Variants in LTBP1 observed in about 807,000 individuals in gnomAD.
The protein encoded by LTBP1 is latent-transforming growth factor beta-binding protein 1.
A neutral mutation model predicts 207.6 loss-of-function variants in LTBP1; 129 were observed. That is an observed-to-expected ratio of 0.62 (90% CI 0.54 to 0.72). The LOEUF (loss-of-function observed/expected upper bound fraction) is 0.72, where lower values mean the gene tolerates loss of function less well. Among genes scored for constraint, LTBP1 ranks in the 30% least tolerant of loss-of-function variants. LTBP1 has a pLI of 0.00. For synonymous variants in LTBP1, 963 were observed against 833.7 expected, an observed-to-expected ratio of 1.16 and a Z score of -2.67; for missense variants, 2,281 against 2,217.2, an observed-to-expected ratio of 1.03 and a Z score of -0.58.
At chr2:33,138,121 C>T (rs2082290151) in intron 5 of LTBP1, among the ~76,000 whole-genome samples, 1 of 152,036 alleles carries the variant, frequency 6.6e-6, no homozygotes, top group African/African-American at 2.4e-5. Flanking sequence ...GGGATAATTC[C>T]TTCCTTCCTT....
chr2:33,103,117 G>A (rs186889569), intron 3 of LTBP1, among the ~76,000 whole-genome samples: 198 of 151,534 alleles, frequency 1.3e-3, no homozygotes, highest in Middle Eastern at 3.4e-3. Context: ...TCTCTATGCT[G>A]TGTGCACTGT....
intron 2 of LTBP1, among the ~76,000 whole-genome samples, chr2:32,972,620 A>T (rs955161795): frequency 1.4e-4 from 22 of 152,068 alleles, no homozygotes; most frequent in Admixed American, 7.2e-4. Flanking sequence ...TCTCATCCCA[A>T]ATTGTAATCC....
chr2:33,202,597 T>C (rs1267522228), intron 7 of LTBP1, among the ~76,000 whole-genome samples: 4 of 152,248 alleles, frequency 2.6e-5, no homozygotes, highest in Non-Finnish European at 4.4e-5. Context: ...CTTTTCACAC[T>C]GGTTATTCCC....
rs72869683 is a variant in LTBP1 at position 33,065,773 on chromosome 2, G to A, written c.863+44567G>A. On this transcript the variant is annotated intron_variant, in intron 3 of 33. Transcript: ENST00000404816. ...ATACTTTGAAGAGTTTTTATAAGAT[G>A]GGTTTTCTATCTTTCTTAAATATTT... Among the ~76,000 whole-genome samples the A allele has an allele frequency of 4.5e-3, 691 of 152,210 alleles. 9 individuals are homozygous for A. The highest frequency in any genetic ancestry group is 0.016 in the African/African-American group (650 of 41,538).
At chr2:33,200,843 A>C (rs1332314326) in intron 7 of LTBP1, among the ~76,000 whole-genome samples, 4 of 152,232 alleles carry the variant, frequency 2.6e-5, no homozygotes, top group Admixed American at 6.5e-5. Flanking sequence ...TCTCAAAAGA[A>C]GACATTTATG....
At chr2:33,311,515 T>C (rs1313314193) in intron 23 of LTBP1, among the ~76,000 whole-genome samples, 1 of 137,202 alleles carries the variant, frequency 7.3e-6, no homozygotes, top group African/African-American at 2.9e-5. Context: ...TCTTGATTTA[T>C]ATAAAAATAC....
chr2:33,167,931 G>C (rs758611517), intron 5 of LTBP1, among the ~76,000 whole-genome samples: 1 of 152,182 alleles, frequency 6.6e-6, no homozygotes, highest in Non-Finnish European at 1.5e-5. Context: ...GATGGGTGTG[G>C]TTTTCAGTTC....
intron 2 of LTBP1, among the ~76,000 whole-genome samples, chr2:32,994,520 G>A (rs1375568342): frequency 6.6e-6 from 1 of 151,448 alleles, no homozygotes; most frequent in Non-Finnish European, 1.5e-5. Context: ...AGGCTGGAGT[G>A]CAGTGGTGCG....
intron 22 of LTBP1, among the ~76,000 whole-genome samples, chr2:33,304,073 T>C (rs1319205330): frequency 6.6e-6 from 1 of 152,206 alleles, no homozygotes; most frequent in Non-Finnish European, 1.5e-5. Flanking sequence ...AAACATCCAT[T>C]GCATGAAAAG....
In LTBP1 at chr2:33,134,380, GT is replaced by G. The variant is rs369974309; in HGVS notation, c.1034-410del. On this transcript the variant is annotated intron_variant, in intron 4 of 33. Coordinates refer to ENST00000404816, the MANE Select transcript of LTBP1 (RefSeq NM_206943.4). This position sits in a 1 kb window ranked among gnomAD's most constrained non-coding sequence, Gnocchi z 4.4. ...AAGTATGCAAGTTGAGGACACAAGA[GT>G]TTATTCACCGCTAGGTGCACGGCCA... The G allele has an allele frequency of 2.3e-4, 111 of 483,532 alleles. No homozygotes were observed. Among genetic ancestry groups the G allele is most frequent in the African/African-American group, 2.1e-3 (104 of 50,610 alleles). The allele number at this position is 483,532 out of a possible 1,614,324, so 30.0% of individuals were successfully genotyped here.
intron 3 of LTBP1, among the ~76,000 whole-genome samples, chr2:33,059,755 T>C (rs1024909135): frequency 6.6e-6 from 1 of 152,166 alleles, no homozygotes; most frequent in African/African-American, 2.4e-5. Flanking sequence ...ATAGTTATAG[T>C]AGACTTTTCA....
chr2:32,999,167 A>G (rs1450344184), intron 2 of LTBP1, among the ~76,000 whole-genome samples: 1 of 152,200 alleles, frequency 6.6e-6, no homozygotes, highest in African/African-American at 2.4e-5. Flanking sequence ...CATCAGCAGC[A>G]TCTGGGGGCT....
chr2:33,035,657 A>C (rs2075885534), intron 3 of LTBP1, among the ~76,000 whole-genome samples: 1 of 152,252 alleles, frequency 6.6e-6, no homozygotes. Context: ...TAGTCTACAA[A>C]TATTTAACAC....
chr2:33,258,734 C>G (rs1305471217), intron 12 of LTBP1, among the ~76,000 whole-genome samples: 2 of 152,160 alleles, frequency 1.3e-5, no homozygotes, highest in African/African-American at 4.8e-5. Context: ...TCTCCAACCC[C>G]AAGAATATTG....
intron 3 of LTBP1, among the ~76,000 whole-genome samples, chr2:33,054,486 A>C (rs2076892953): frequency 6.6e-6 from 1 of 152,134 alleles, no homozygotes; most frequent in African/African-American, 2.4e-5. Flanking sequence ...CAAATGGGTA[A>C]CTTGTTCCCC....
chr2:33,299,683 A>C (rs1275759475), intron 20 of LTBP1, among the ~76,000 whole-genome samples: 1 of 152,246 alleles, frequency 6.6e-6, no homozygotes, highest in Admixed American at 6.5e-5. Flanking sequence ...GGTCGGACCA[A>C]TATAATGGCC....
intron 31 of LTBP1, among the ~76,000 whole-genome samples, chr2:33,385,708 G>T (rs1216329816): frequency 6.6e-6 from 1 of 152,158 alleles, no homozygotes; most frequent in South Asian, 2.1e-4. Context: ...CACGATCCTG[G>T]CCAAGAATCA....
At chr2:32,953,791 G>A (rs1293156320) in intron 2 of LTBP1, among the ~76,000 whole-genome samples, 1 of 152,076 alleles carries the variant, frequency 6.6e-6, no homozygotes, top group African/African-American at 2.4e-5. Context: ...CCTGTTATTT[G>A]TTGTCTTGGA....
chr2:33,386,374 G>A (rs1458162156), intron 31 of LTBP1, among the ~76,000 whole-genome samples: 1 of 152,124 alleles, frequency 6.6e-6, no homozygotes, highest in African/African-American at 2.4e-5. Context: ...GGTGGAGGAA[G>A]CATGTCTAGG....
Sources: gnomAD v4.1 joint callset for allele counts (sites outside exome capture counted in the v4.1 genomes callset) on GRCh38, gnomAD v4.1.1 for gene constraint, Gnocchi (gnomAD v3.1) non-coding constraint, MANE v1.5 for transcripts, NCBI Gene and HGNC (gene_info 2026-07-23, HGNC 2026-07-21) for gene names.